The following PKIB variants were observed in gnomAD, a reference collection of about 807,000 sequenced individuals.
PKIB encodes cAMP-dependent protein kinase inhibitor beta.
PKIB carries 2 observed loss-of-function variants against 4.5 expected under a neutral mutation model. The observed-to-expected ratio is 0.44, with a 90% confidence interval of 0.18 to 1.39. The LOEUF is 1.39. Ranked by LOEUF, PKIB falls within the 40% of genes most tolerant of loss-of-function variation. The pLI, the probability that PKIB is intolerant of heterozygous loss-of-function variation, is 0.27. For missense variants in PKIB, 94 were observed against 92.6 expected (o/e 1.02, Z -0.06); for synonymous variants, 38 against 36.0 (o/e 1.06, Z -0.20).
intron 1 of PKIB, among the ~76,000 whole-genome samples, chr6:122,475,643 C>T (rs184734759): frequency 2.8e-3 from 430 of 151,928 alleles, no homozygotes; most frequent in African/African-American, 9.9e-3. Context: ...AAAATTAGCT[C>T]GGTGTGGTGG....
intron 1 of PKIB, among the ~76,000 whole-genome samples, chr6:122,474,225 G>A (rs1458893925): frequency 2.0e-5 from 3 of 152,132 alleles, no homozygotes; most frequent in African/African-American, 7.2e-5. Flanking sequence ...CAAAAAAATT[G>A]GAATATTGAT....
At chr6:122,638,948 T>C (rs1776028372) in intron 2 of PKIB, among the ~76,000 whole-genome samples, 2 of 152,194 alleles carry the variant, frequency 1.3e-5, no homozygotes, top group Admixed American at 6.5e-5. Flanking sequence ...TAAATAAACA[T>C]TGATTTTTAA....
At chr6:122,661,104 A>G (rs1331658958) in intron 2 of PKIB, among the ~76,000 whole-genome samples, 1 of 152,186 alleles carries the variant, frequency 6.6e-6, no homozygotes, top group East Asian at 1.9e-4. Flanking sequence ...AATAAATTAT[A>G]TGGATAAAGA....
At chr6:122,631,776 G>A (rs556663340) in intron 1 of PKIB, among the ~76,000 whole-genome samples, 3 of 152,290 alleles carry the variant, frequency 2.0e-5, no homozygotes, top group African/African-American at 7.2e-5. Flanking sequence ...ATGTTGCAAT[G>A]CCCTTAGGAC....
Position 122,574,631 on chromosome 6 carries a change from G to A in PKIB, c.-247-11290G>A, listed in dbSNP as rs73549357. On this transcript the variant is annotated intron_variant, in intron 2 of 6. Transcript: ENST00000392491. Reference sequence around the variant, plus strand: ...AAATACTTACAGCTAACTAATCTTCGACAAAGCATACAAAAACATAAACTG... The same window carrying A: ...AAATACTTACAGCTAACTAATCTTCAACAAAGCATACAAAAACATAAACTG... 2.6e-3 allele frequency among the ~76,000 whole-genome samples: 388 copies of A among 152,044 alleles called. 1 individual carries two copies. The highest frequency in any genetic ancestry group is 8.9e-3 in the African/African-American group (369 of 41,504).
At chr6:122,601,072 A>T (rs1173303683) in intron 3 of PKIB, among the ~76,000 whole-genome samples, 1 of 152,086 alleles carries the variant, frequency 6.6e-6, no homozygotes, top group East Asian at 1.9e-4. Flanking sequence ...AAAAAAAAAA[A>T]ATCAGTGAAC....
Position 122,725,203 on chromosome 6 carries a change from TA to T in PKIB, c.*10del. The T allele has an allele frequency of 6.2e-7, 1 of 1,605,692 alleles. No homozygotes were observed. Among genetic ancestry groups the T allele is most frequent in the Non-Finnish European group, 8.5e-7 (1 of 1,175,014 alleles). ...CAAAATGAAGAAAAATGAAGGCTCA[TA>T]ATCTATCAAGAGTGCTGAATTTCTG... On this transcript the variant is annotated 3_prime_UTR_variant, in exon 5 of 5. Coordinates refer to ENST00000368452, the MANE Select transcript of PKIB (RefSeq NM_181795.3).
chr6:122,720,537 G>T (rs190421578), intron 4 of PKIB, among the ~76,000 whole-genome samples: 2 of 152,152 alleles, frequency 1.3e-5, no homozygotes, highest in African/African-American at 4.8e-5. Context: ...ACCGAGAAGG[G>T]TTAGCCTAGA....
At chr6:122,511,982 TG>T (rs1273389363) in intron 2 of PKIB, among the ~76,000 whole-genome samples, 1 of 152,188 alleles carries the variant, frequency 6.6e-6, no homozygotes, top group East Asian at 1.9e-4. Flanking sequence ...GGGAACATGA[TG>T]GCAATTAGGA....
chr6:122,549,154 T>C (rs1247164348), intron 2 of PKIB, among the ~76,000 whole-genome samples: 1 of 152,206 alleles, frequency 6.6e-6, no homozygotes, highest in Non-Finnish European at 1.5e-5. Context: ...ACTACTATTA[T>C]TCAGTTCATC....
intron 2 of PKIB, among the ~76,000 whole-genome samples, chr6:122,532,507 A>G (rs1336379430): frequency 1.3e-5 from 2 of 152,166 alleles, no homozygotes; most frequent in East Asian, 3.8e-4. Flanking sequence ...TGTACTCATT[A>G]AAGAGTAACT....
intron 2 of PKIB, among the ~76,000 whole-genome samples, chr6:122,512,006 C>T (rs1776602591): frequency 6.6e-6 from 1 of 152,260 alleles, no homozygotes; most frequent in Admixed American, 6.5e-5. Flanking sequence ...CTTTCCTCCT[C>T]AGAGGCCTCT....
upstream of PKIB, among the ~76,000 whole-genome samples, chr6:122,607,303 G>A (rs901663278): frequency 2.6e-5 from 4 of 151,392 alleles, no homozygotes; most frequent in Admixed American, 6.6e-5. Context: ...GCAAAACCCC[G>A]TCTCTACAAA....
chr6:122,609,384 G>A (rs1246829351), upstream of PKIB, among the ~76,000 whole-genome samples: 1 of 152,224 alleles, frequency 6.6e-6, no homozygotes, highest in South Asian at 2.1e-4. Context: ...TTACTATATT[G>A]TGGAGGTATG....
chr6:122,688,651 G>A (rs957068892), intron 3 of PKIB, among the ~76,000 whole-genome samples: 2 of 151,832 alleles, frequency 1.3e-5, no homozygotes, highest in African/African-American at 2.4e-5. Flanking sequence ...GTCTGTTCAG[G>A]TTTTGTATTT....
At position 122,522,094 on chromosome 6, in the gene PKIB, A is replaced by G. The variant is rs564521438; in HGVS notation, c.-248+44155A>G. On this transcript the variant is annotated intron_variant, in intron 2 of 6. Coordinates refer to the PKIB transcript ENST00000392491. ...AATCACTTGAATTTGCTTTTTGTCTAACATCATTTCCATATTCTAAAATAA... is the reference window on the plus strand; with the variant it reads ...AATCACTTGAATTTGCTTTTTGTCTGACATCATTTCCATATTCTAAAATAA... Among the ~76,000 whole-genome samples, 6 of 152,292 alleles carry G rather than the reference A, an allele frequency of 3.9e-5. No homozygotes were observed. In the East Asian group the frequency reaches 9.6e-4, roughly 24 times the overall value.
rs947390458 is a variant in PKIB at position 122,656,338 on chromosome 6, C to T, written c.-75-18740C>T. Among the ~76,000 whole-genome samples, 6 of 152,050 alleles carry T rather than the reference C, an allele frequency of 3.9e-5. No homozygotes were observed. The East Asian group carries it at 7.7e-4, about 19-fold the overall frequency. On this transcript the variant is annotated intron_variant, in intron 2 of 4. Transcript: ENST00000368452. ...CATTTTTTATTTTAGGTAAACTGCACACTAAGACTTTAAGCATATTGCTAT... is the reference window on the plus strand; with the variant it reads ...CATTTTTTATTTTAGGTAAACTGCATACTAAGACTTTAAGCATATTGCTAT...
chr6:122,535,081 C>CCT (rs995772161), intron 2 of PKIB, among the ~76,000 whole-genome samples: 5 of 151,684 alleles, frequency 3.3e-5, no homozygotes, highest in African/African-American at 1.2e-4. Context: ...CTCAGCCTGT[C>CCT]CTCTCTCTCT....
intron 2 of PKIB, among the ~76,000 whole-genome samples, chr6:122,573,758 G>T (rs959056474): frequency 1.3e-5 from 2 of 152,076 alleles, no homozygotes; most frequent in Non-Finnish European, 2.9e-5. Context: ...AATAGGCATA[G>T]AAAGGATTTA....
Sources: gnomAD v4.1 joint callset for allele counts (sites outside exome capture counted in the v4.1 genomes callset) on GRCh38, gnomAD v4.1.1 for gene constraint, MANE v1.5 for transcripts, NCBI Gene and HGNC (gene_info 2026-07-23, HGNC 2026-07-21) for gene names.